Variants in C8A observed in about 807,000 individuals in gnomAD.
C8A encodes complement component C8 alpha chain.
Under a neutral mutation model 65.3 loss-of-function variants are expected in C8A, and 67 were observed. The observed-to-expected ratio is 1.03, with a 90% CI of 0.84 to 1.26. The LOEUF (loss-of-function observed/expected upper bound fraction) is 1.26. Ranked by LOEUF, C8A falls within the 50% of genes most tolerant of loss-of-function variation. The pLI is 0.00. For missense variants in C8A, 781 were observed against 723.9 expected (o/e 1.08, Z -0.90); for synonymous variants, 290 against 259.4 (o/e 1.12, Z -1.13).
At chr1:56,899,233 A>C (rs936528086) in intron 7 of C8A, among the ~76,000 whole-genome samples, 1 of 152,154 alleles carries the variant, frequency 6.6e-6, no homozygotes, top group Non-Finnish European at 1.5e-5. Flanking sequence ...TTCCACCTCT[A>C]ATATCACTGA....
At chr1:56,896,668 A>G (rs1174247493) in intron 7 of C8A, among the ~76,000 whole-genome samples, 1 of 152,196 alleles carries the variant, frequency 6.6e-6, no homozygotes, top group Non-Finnish European at 1.5e-5. Flanking sequence ...TCAAATACCT[A>G]GGCATTCCAC....
chr1:56,877,966 G>T (rs990077427), intron 4 of C8A, among the ~76,000 whole-genome samples: 7 of 152,172 alleles, frequency 4.6e-5, no homozygotes, highest in Non-Finnish European at 2.9e-5. Flanking sequence ...TGCTGGGATT[G>T]CCATAACAAA....
chr1:56,870,395 C>T (rs1644132591), intron 2 of C8A, among the ~76,000 whole-genome samples: 1 of 152,116 alleles, frequency 6.6e-6, no homozygotes, highest in African/African-American at 2.4e-5. Context: ...TACCTTGTGG[C>T]TGGATCACTG....
intron 7 of C8A, among the ~76,000 whole-genome samples, chr1:56,902,028 G>A (rs1243124740): frequency 1.3e-5 from 2 of 152,064 alleles, no homozygotes; most frequent in Non-Finnish European, 2.9e-5. Context: ...AAAGTATTCT[G>A]CTGTGTTCTT....
intron 7 of C8A, among the ~76,000 whole-genome samples, chr1:56,897,497 G>C (rs1371209196): frequency 6.6e-6 from 1 of 152,216 alleles, no homozygotes; most frequent in Admixed American, 6.5e-5. Flanking sequence ...TCATCGATTA[G>C]TGATGTCTGC....
intron 9 of C8A, among the ~76,000 whole-genome samples, chr1:56,911,661 G>C (rs902583156): frequency 2.5e-4 from 38 of 152,184 alleles, no homozygotes; most frequent in African/African-American, 8.7e-4. Context: ...TGCCAGTAAA[G>C]AATTATCCAA....
chr1:56,871,619 G>C (rs763930188), intron 2 of C8A, among the ~76,000 whole-genome samples: 1 of 152,112 alleles, frequency 6.6e-6, no homozygotes, highest in Non-Finnish European at 1.5e-5. Context: ...TGGCAGAGCT[G>C]GAATTCTAAC....
chr1:56,903,361 G>A (rs952902531), intron 7 of C8A, among the ~76,000 whole-genome samples: 1 of 152,130 alleles, frequency 6.6e-6, no homozygotes, highest in Non-Finnish European at 1.5e-5. Flanking sequence ...TGGTGCCATG[G>A]GAAGAAGGAT....
Position 56,917,932 on chromosome 1 carries a change from C to T in C8A, c.*216C>T. On this transcript the variant is annotated 3_prime_UTR_variant, in exon 11 of 11. Transcript: ENST00000361249. ...ATTTTATTCAGCAACTGGATGTTGA[C>T]TGTTAACTAGAAGCTCTGTCCTACT... 1.8e-6 allele frequency: 1 copy of T among 559,742 alleles called. No individual in the cohort carries two copies. The highest frequency in any genetic ancestry group is 2.1e-5 in the South Asian group (1 of 47,772). 34.7% of individuals were successfully genotyped at this position (559,742 alleles called of 1,614,324 possible).
At chr1:56,916,678 G>T (rs951381363) in intron 10 of C8A, among the ~76,000 whole-genome samples, 3 of 152,180 alleles carry the variant, frequency 2.0e-5, no homozygotes, top group Non-Finnish European at 4.4e-5. Context: ...TGACTTAGAG[G>T]TTGGGGGTCT....
chr1:56,878,697 A>C (rs1280229164), intron 4 of C8A, among the ~76,000 whole-genome samples: 1 of 152,134 alleles, frequency 6.6e-6, no homozygotes, highest in Non-Finnish European at 1.5e-5. Flanking sequence ...GTTTGAAATA[A>C]AAATTGACAG....
chr1:56,869,185 C>T (rs1387487765), intron 2 of C8A, among the ~76,000 whole-genome samples: 2 of 152,120 alleles, frequency 1.3e-5, no homozygotes, highest in Non-Finnish European at 2.9e-5. Context: ...ACCCTTCCAC[C>T]CGAGTCCCCA....
intron 6 of C8A, 100 bp from the exon 7 acceptor site, chr1:56,885,827 G>C (rs1022286732): frequency 2.6e-6 from 4 of 1,528,394 alleles, no homozygotes; most frequent in Non-Finnish European, 3.6e-6. Context: ...TGGGATTACA[G>C]GCATGAGCCA....
intron 7 of C8A, among the ~76,000 whole-genome samples, chr1:56,904,615 C>A (rs971008787): frequency 3.3e-5 from 5 of 152,128 alleles, no homozygotes; most frequent in African/African-American, 1.2e-4. Flanking sequence ...CAGACTTGAG[C>A]GTGAATCTCA....
rs183633274 is a variant in C8A at position 56,906,337 on chromosome 1, C to T, written c.1097-330C>T. Among the ~76,000 whole-genome samples, 56 of 152,138 alleles carry T rather than the reference C, an allele frequency of 3.7e-4. 1 individual carries two copies. The highest frequency in any genetic ancestry group is 9.4e-4 in the African/African-American group (39 of 41,506). On this transcript the variant is annotated intron_variant, in intron 7 of 10. Transcript: ENST00000361249. ...CAGGGTAATGGTGCCTATCATGGCC[C>T]GGGCACTGAGGTAGGCATGGGGGCA...
At chr1:56,863,368 C>T (rs1644052712) in intron 1 of C8A, among the ~76,000 whole-genome samples, 1 of 152,090 alleles carries the variant, frequency 6.6e-6, no homozygotes, top group Non-Finnish European at 1.5e-5. Flanking sequence ...GTACTCTGGC[C>T]TGCGTGATAG....
At chr1:56,868,192 T>C (rs1047964447) in intron 2 of C8A, among the ~76,000 whole-genome samples, 4 of 151,834 alleles carry the variant, frequency 2.6e-5, no homozygotes, top group African/African-American at 9.7e-5. Flanking sequence ...TTTTGAATAG[T>C]TCAAAATGAT....
At chr1:56,867,520 T>C in intron 1 of C8A, 89 bp from the exon 2 acceptor site, 1 of 889,094 alleles carries the variant, frequency 1.1e-6, no homozygotes, top group Non-Finnish European at 1.9e-6. Flanking sequence ...TTCCAAACCA[T>C]GTTTTACTGG....
intron 7 of C8A, among the ~76,000 whole-genome samples, chr1:56,894,484 C>G (rs1008601696): frequency 1.3e-5 from 2 of 152,126 alleles, no homozygotes; most frequent in Admixed American, 6.5e-5. Context: ...TACCAGATAA[C>G]AGTGACCCTG....
Sources: gnomAD v4.1 joint callset for allele counts (sites outside exome capture counted in the v4.1 genomes callset) on GRCh38, gnomAD v4.1.1 for gene constraint, MANE v1.5 for transcripts, NCBI Gene and HGNC (gene_info 2026-07-23, HGNC 2026-07-21) for gene names.